Variants in TIMP4 observed in about 807,000 individuals in gnomAD.
The protein encoded by TIMP4 is metalloproteinase inhibitor 4.
A neutral mutation model predicts 27.3 loss-of-function variants in TIMP4; 28 were observed. The observed-to-expected ratio is 1.03, with a 90% CI of 0.76 to 1.41. TIMP4 has a LOEUF of 1.41. Ranked by LOEUF, TIMP4 falls within the 40% of genes most tolerant of loss-of-function variation. The pLI is 0.00. For synonymous variants in TIMP4, 138 were observed against 115.5 expected (o/e 1.20, Z -1.25); for missense variants, 307 against 285.5 (o/e 1.08, Z -0.54).
Position 12,153,503 on chromosome 3 carries a change from C to A in TIMP4, c.*12G>T. The A allele has an allele frequency of 1.2e-6, 2 of 1,612,682 alleles. No homozygotes were observed. The highest frequency in any genetic ancestry group is 2.2e-5 in the South Asian group (2 of 90,976). ...AGGACTCTTGAAGGGATGTGATGGT[C>A]ACTGGTCCCTACTAGGGCTGAACGA... On this transcript the variant is annotated 3_prime_UTR_variant, in exon 5 of 5. Coordinates refer to ENST00000287814, the MANE Select transcript of TIMP4 (RefSeq NM_003256.4).
intron 1 of TIMP4, 60 bp downstream of exon 1, chr3:12,158,642 G>T: frequency 1.3e-6 from 2 of 1,598,284 alleles, no homozygotes; most frequent in South Asian, 2.2e-5. Flanking sequence ...TGTACTGCTG[G>T]CCAGATACTA....
chr3:12,156,191 T>C (rs879010706), intron 3 of TIMP4, among the ~76,000 whole-genome samples: 1 of 152,236 alleles, frequency 6.6e-6, no homozygotes, highest in Admixed American at 6.5e-5. Flanking sequence ...CTTGCTTTCT[T>C]TCTAAATATT....
chr3:12,154,332 A>G lies in TIMP4; in HGVS notation c.472T>C (p.Cys158Arg). ...LNHHYHLNCGCQITTCYTVPC... is the reference protein window; with the variant it reads ...LNHHYHLNCGRQITTCYTVPC... The stretch of plus-strand genomic sequence containing the variant: ...GGAAATGGACATTCCCTTACTTGGC[A>G]GCCACAGTTCAGATGGTAGTGATGA... The change falls in exon 4 of 5, where the codon TGC becomes CGC. Residue 158 changes from cysteine (C) to arginine (R), a missense_variant. By Grantham distance (180) the Cys-to-Arg change is radical. Transcript: ENST00000287814. The G allele has an allele frequency of 6.2e-7, 1 of 1,614,228 alleles. No individual in the cohort carries two copies.
intron 3 of TIMP4, among the ~76,000 whole-genome samples, chr3:12,155,858 G>A (rs1052609475): frequency 1.3e-5 from 2 of 152,146 alleles, no homozygotes; most frequent in Non-Finnish European, 2.9e-5. Context: ...AGTTTGAAAG[G>A]GCCTGGTCTG....
chr3:12,154,801 C>A (rs1348565571), intron 3 of TIMP4, among the ~76,000 whole-genome samples: 2 of 152,150 alleles, frequency 1.3e-5, no homozygotes, highest in Admixed American at 6.5e-5. Flanking sequence ...TATAACCTCT[C>A]AGCTGGAAGA....
intron 4 of TIMP4, 30 bp downstream of exon 4, chr3:12,154,297 T>C: frequency 1.2e-6 from 2 of 1,614,024 alleles, no homozygotes; most frequent in South Asian, 2.2e-5. Flanking sequence ...CCCCCATCCC[T>C]AAAGACTTTG....
At position 12,153,343 on chromosome 3, in the gene TIMP4, G is replaced by A; in HGVS notation, c.*172C>T. ...GGCAGGGGCAACAGGCTGAGGGCAG[G>A]GCAGAAAAGTCATGGCCCCTTCCCT... On this transcript the variant is annotated 3_prime_UTR_variant, in exon 5 of 5. Transcript: ENST00000287814. 1.4e-6 allele frequency: 1 copy of A among 718,566 alleles called. No individual in the cohort carries two copies. The allele number at this position is 718,566 out of a possible 1,614,324, so 44.5% of individuals were successfully genotyped here.
Position 12,158,878 on chromosome 3 carries a change from G to T in TIMP4, c.-38C>A, listed in dbSNP as rs768290509. ...CCGCGACTGAGCCTGTGAGGTCTGGGGGACTGGACGGCCCCAGCAGGGCTC... is the reference window on the plus strand; with the variant it reads ...CCGCGACTGAGCCTGTGAGGTCTGGTGGACTGGACGGCCCCAGCAGGGCTC... On this transcript the variant is annotated 5_prime_UTR_variant, in exon 1 of 5. Transcript: ENST00000287814. 6 of 1,503,066 alleles carry T rather than the reference G, an allele frequency of 4.0e-6. No homozygotes were observed. In the South Asian group the frequency reaches 6.5e-5, roughly 16 times the overall value. The allele number at this position is 1,503,066 out of a possible 1,614,324, so 93.1% of individuals were successfully genotyped here.
In TIMP4 at chr3:12,157,398, A is replaced by T. The variant is rs761122262; in HGVS notation, c.224T>A (p.Ile75Asn). The T allele has an allele frequency of 6.2e-7, 1 of 1,614,012 alleles. No homozygotes were observed. Among genetic ancestry groups the T allele is most frequent in the South Asian group, 1.1e-5 (1 of 91,064 alleles). ...ADTEKMLRYE[I>N]KQIKMFKGFE... ...GCCCCCATGTACCTTTATCTGTTTG[A>T]TTTCATACCGGAGCATTTTTTCAGT... The change falls in exon 2 of 5, where the codon ATC becomes AAC. Residue 75 changes from isoleucine (I) to asparagine (N), a missense_variant. Transcript: ENST00000287814.
intron 4 of TIMP4, 117 bp from the exon 5 acceptor site, chr3:12,153,829 G>T: frequency 9.1e-7 from 1 of 1,095,748 alleles, no homozygotes; most frequent in Non-Finnish European, 1.3e-6. Context: ...ATCTTATCAA[G>T]CCTTTCCCAG....
intron 1 of TIMP4, among the ~76,000 whole-genome samples, 178 bp from the exon 2 acceptor site, chr3:12,157,660 A>G (rs1697498819): frequency 6.6e-6 from 1 of 152,150 alleles, no homozygotes; most frequent in Non-Finnish European, 1.5e-5. Flanking sequence ...CCCTGCAGTC[A>G]CTGGAAGTTC....
At chr3:12,156,760 A>G in intron 3 of TIMP4, 60 bp downstream of exon 3, 2 of 1,411,630 alleles carry the variant, frequency 1.4e-6, no homozygotes, top group Non-Finnish European at 2.0e-6. Context: ...CTCCTTTCTC[A>G]CTACCTCCCC....
intron 3 of TIMP4, among the ~76,000 whole-genome samples, chr3:12,156,546 G>A (rs534887871): frequency 8.5e-5 from 13 of 152,272 alleles, no homozygotes; most frequent in African/African-American, 2.6e-4. Context: ...TTTGAAAAAC[G>A]GAAGCAGCTG....
At position 12,153,427 on chromosome 3, in the gene TIMP4, C is replaced by T; in HGVS notation, c.*88G>A. 4.8e-6 allele frequency: 7 copies of T among 1,459,866 alleles called. No homozygotes were observed. The South Asian group carries it at 8.1e-5, about 17-fold the overall frequency. The allele number at this position is 1,459,866 out of a possible 1,614,324, so 90.4% of individuals were successfully genotyped here. A position where few individuals can be genotyped will look rare whatever the true frequency, so the allele number is the denominator to read the frequency against. On this transcript the variant is annotated 3_prime_UTR_variant, in exon 5 of 5. Transcript: ENST00000287814. The stretch of plus-strand genomic sequence containing the variant: ...TTCTTATTAGCTGGCAGCAAGAGGT[C>T]AGGTGGTAATGGCCAAAGCTCTGCA...
rs113458928 is a variant in TIMP4, at chr3:12,153,699, T to C, written c.491A>G (p.Tyr164Cys). The part of the protein sequence containing the change: ...LNCGCQITTC[Y>C]TVPCTISAPN... ...GGCCGAGATGGTACAGGGTACTGTG[T>C]AGCAGGTGGTGATCTAGAGTCATGG... Residue 164 changes from tyrosine (Y) to cysteine (C), a missense_variant, in exon 5 of 5, where the codon TAC (tyrosine) becomes TGC (cysteine). By Grantham distance (194) the Tyr-to-Cys change is radical. Coordinates refer to ENST00000287814, the MANE Select transcript of TIMP4 (RefSeq NM_003256.4). The C allele has an allele frequency of 9.3e-6, 15 of 1,614,072 alleles. No individual in the cohort carries two copies. The highest frequency in any genetic ancestry group is 1.6e-4 in the Middle Eastern group (1 of 6,084).
intron 1 of TIMP4, 131 bp from the exon 2 acceptor site, chr3:12,157,613 A>T: frequency 1.3e-6 from 1 of 783,030 alleles, no homozygotes; most frequent in South Asian, 1.6e-5. Context: ...GGTTGTGAGC[A>T]ACGTGATGTG....
intron 4 of TIMP4, among the ~76,000 whole-genome samples, 195 bp from the exon 5 acceptor site, chr3:12,153,907 T>C (rs1022595215): frequency 6.6e-6 from 1 of 152,206 alleles, no homozygotes; most frequent in African/African-American, 2.4e-5. Flanking sequence ...CTTAGTGGCA[T>C]CTCTGGAGTC....
At chr3:12,158,359 C>G (rs991483113) in intron 1 of TIMP4, among the ~76,000 whole-genome samples, 3 of 152,182 alleles carry the variant, frequency 2.0e-5, no homozygotes, top group African/African-American at 7.2e-5. Context: ...TGCAAGCCCT[C>G]TCCCCTCCCC....
intron 1 of TIMP4, 76 bp from the exon 2 acceptor site, chr3:12,157,558 T>A (rs1697495255): frequency 3.4e-6 from 5 of 1,453,312 alleles, no homozygotes; most frequent in Non-Finnish European, 4.8e-6. Context: ...TGATCCAGGG[T>A]CCATGAAGAA....
Sources: allele counts gnomAD v4.1 joint callset (sites outside exome capture counted in the v4.1 genomes callset), GRCh38; gene constraint gnomAD v4.1.1; transcripts MANE v1.5; gene names NCBI Gene and HGNC (gene_info 2026-07-23, HGNC 2026-07-21).